SLCO2B1: variants seen among roughly 807,000 people sequenced by gnomAD.
SLCO2B1 encodes solute carrier organic anion transporter family member 2B1, also known as OATP-RP2.
A neutral mutation model predicts 67.3 loss-of-function variants in SLCO2B1; 41 were observed. That is an observed-to-expected ratio of 0.61 (90% CI 0.47 to 0.79). SLCO2B1 has a LOEUF of 0.79. Ranked by LOEUF, SLCO2B1 falls within the 30% of genes least tolerant of loss-of-function variation. The pLI is 0.00. For missense variants in SLCO2B1, 837 were observed against 920.1 expected (o/e 0.91, Z 1.17); for synonymous variants, 379 against 381.4 (o/e 0.99, Z 0.07).
In SLCO2B1 at chr11:75,196,572, G is replaced by A. The variant is rs780355944; in HGVS notation, c.1492G>A (p.Asp498Asn). The A allele has an allele frequency of 1.6e-5, 26 of 1,614,128 alleles. No individual in the cohort carries two copies. The South Asian group carries it at 2.6e-4, about 16-fold the overall frequency. Residue 498 changes from aspartate (D) to asparagine (N), a missense_variant, in exon 10 of 14, where the codon GAC (aspartate) becomes AAC (asparagine). Transcript: ENST00000289575. ...SCMEACSCPL[D>N]GFNPVCDPST... ...CATGGAGGCCTGCTCCTGCCCATTG[G>A]ACGGCTTTAACCCTGTCTGCGACCC...
chr11:75,178,961 C>T (rs1950059707), intron 7 of SLCO2B1, among the ~76,000 whole-genome samples: 1 of 152,132 alleles, frequency 6.6e-6, no homozygotes, highest in African/African-American at 2.4e-5. Context: ...TTTTTTAAAG[C>T]CAAATAGTAT....
chr11:75,160,293 T>C (rs1048220987), intron 1 of SLCO2B1, among the ~76,000 whole-genome samples: 4 of 152,190 alleles, frequency 2.6e-5, no homozygotes, highest in East Asian at 1.9e-4. Context: ...ACAAGGAGCA[T>C]TGAGTGATGT....
chr11:75,156,269 AC>A (rs1175706295), intron 1 of SLCO2B1, among the ~76,000 whole-genome samples: 7 of 152,140 alleles, frequency 4.6e-5, no homozygotes, highest in Non-Finnish European at 1.0e-4. Flanking sequence ...GTACAAGACA[AC>A]CTCTGCCCTG....
chr11:75,203,214 G>A, intron 12 of SLCO2B1, 93 bp from the exon 13 acceptor site: 1 of 1,524,068 alleles, frequency 6.6e-7, no homozygotes, highest in Non-Finnish European at 8.8e-7. Context: ...AGAGGCCCCA[G>A]TAACCCAGAG....
chr11:75,162,495 T>C (rs1490528008), intron 1 of SLCO2B1, among the ~76,000 whole-genome samples, 160 bp from the exon 2 acceptor site: 1 of 152,146 alleles, frequency 6.6e-6, no homozygotes, highest in African/African-American at 2.4e-5. Flanking sequence ...GACCTAAGAA[T>C]GAGGAAGGCT....
At position 75,193,384 on chromosome 11, in the gene SLCO2B1, C is replaced by T; in HGVS notation, c.1242C>T (p.Gly414=). Residue 414 remains glycine (G), a synonymous_variant, in exon 9 of 14, where the codon GGC becomes GGT. Transcript: ENST00000289575. The surrounding 1 kb of genome is among the most constrained non-coding windows in gnomAD (Gnocchi z 4.2). The part of the protein sequence containing the change: ...ITASYANLLI[G]CLSFPSVIVG... ...CCTCCTACGCCAACCTGCTCATCGGCTGCCTCTCCTTCCCTTCGGTCATCG... is the reference window on the plus strand; with the variant it reads ...CCTCCTACGCCAACCTGCTCATCGGTTGCCTCTCCTTCCCTTCGGTCATCG... 1.2e-6 allele frequency: 2 copies of T among 1,614,224 alleles called. No individual in the cohort carries two copies. The highest frequency in any genetic ancestry group is 1.7e-6 in the Non-Finnish European group (2 of 1,180,042).
intron 9 of SLCO2B1, among the ~76,000 whole-genome samples, chr11:75,195,755 C>T (rs1945089025): frequency 6.6e-6 from 1 of 152,262 alleles, no homozygotes; most frequent in Non-Finnish European, 1.5e-5. Flanking sequence ...GGCGCAGCCT[C>T]TCTGGGCCTC....
At chr11:75,162,606 A>G (rs1283625983) in intron 1 of SLCO2B1, 49 bp from the exon 2 acceptor site, 2 of 1,585,822 alleles carry the variant, frequency 1.3e-6, no homozygotes, top group Admixed American at 3.5e-5. Context: ...GGTCAGGGCC[A>G]TTCTCGGGGA....
intron 3 of SLCO2B1, among the ~76,000 whole-genome samples, chr11:75,164,482 T>C (rs1949863028): frequency 6.6e-6 from 1 of 152,090 alleles, no homozygotes; most frequent in African/African-American, 2.4e-5. Flanking sequence ...GAGCAGAACC[T>C]CTGGGCCTTG....
intron 7 of SLCO2B1, among the ~76,000 whole-genome samples, chr11:75,175,923 G>A (rs1950017667): frequency 6.6e-6 from 1 of 152,164 alleles, no homozygotes; most frequent in Non-Finnish European, 1.5e-5. Context: ...CATGGGATTG[G>A]GGGAGGCCAT....
rs1276166342 is a variant in SLCO2B1, at chr11:75,174,301, A to G, written c.972+1732A>G. Among the ~76,000 whole-genome samples, 4 of 152,096 alleles carry G rather than the reference A, an allele frequency of 2.6e-5. No individual in the cohort carries two copies. In the South Asian group the frequency reaches 8.3e-4, roughly 32 times the overall value. On this transcript the variant is annotated intron_variant, in intron 7 of 13. Transcript: ENST00000289575. ...AATTCTAATTTCAAAGGGACAATTT[A>G]TAAAAATCCTGTTGAATGTTTTTGC...
chr11:75,162,370 A>T (rs1949831343), intron 1 of SLCO2B1, among the ~76,000 whole-genome samples: 2 of 152,146 alleles, frequency 1.3e-5, no homozygotes, highest in African/African-American at 4.8e-5. Context: ...GCTTCTCCCT[A>T]GAAGGGAAGT....
intron 13 of SLCO2B1, 199 bp from the exon 14 acceptor site, chr11:75,204,201 C>A (rs142805001): frequency 0.017 from 8,983 of 519,190 alleles, 88 homozygotes; most frequent in Non-Finnish European, 0.022. Flanking sequence ...CAGGACAGGG[C>A]GATGAAGATG....
rs1404636950 is a variant in SLCO2B1 at position 75,178,100 on chromosome 11, A to AC, written c.972+5531_972+5532insC. On this transcript the variant is annotated intron_variant, in intron 7 of 13. Transcript: ENST00000289575. ...CAGAGCAAGATTCCATCTCAAAAAA[A>AC]AAAAAAAAACAAAAAACAAAACTCC... 2.9e-3 allele frequency among the ~76,000 whole-genome samples: 435 copies of AC among 150,798 alleles called. 4 individuals carry two copies. Among genetic ancestry groups the AC allele is most frequent in the African/African-American group, 0.011 (424 of 40,294 alleles).
chr11:75,193,345 G>T lies in SLCO2B1; in HGVS notation c.1203G>T (p.Gln401His). The change falls in exon 9 of 14, where the codon CAG (glutamine) becomes CAT (histidine). Residue 401 changes from glutamine (Q) to histidine (H), a missense_variant. Physicochemically the swap from Gln to His is conservative, Grantham distance 24 (BLOSUM62 0). Coordinates refer to ENST00000289575, the MANE Select transcript of SLCO2B1 (RefSeq NM_007256.5). The surrounding 1 kb of genome is among the most constrained non-coding windows in gnomAD (Gnocchi z 4.2). ...TCCTGCCCAAGTTCCTGGAGCGCCA[G>T]TTTTCCATCACAGCCTCCTACGCCA... Reference protein sequence around the residue: ...ATFLPKFLERQFSITASYANL... With the variant: ...ATFLPKFLERHFSITASYANL... 6.2e-7 allele frequency: 1 copy of T among 1,614,180 alleles called. No individual in the cohort carries two copies. Among genetic ancestry groups the T allele is most frequent in the Non-Finnish European group, 8.5e-7 (1 of 1,180,034 alleles).
At position 75,165,773 on chromosome 11, in the gene SLCO2B1, T is replaced by A; in HGVS notation, c.286-14T>A. On this transcript the variant is annotated splice_polypyrimidine_tract_variant and intron_variant, in intron 3 of 13. Transcript: ENST00000289575. ...AACTGTTCCACCTTAATGGGTCACC[T>A]CGTCCTTTTGCAGGTGGGGAACACA... is the stretch of plus-strand genomic sequence containing the variant. 6.2e-7 allele frequency: 1 copy of A among 1,613,804 alleles called. No individual in the cohort carries two copies. Among genetic ancestry groups the A allele is most frequent in the Non-Finnish European group, 8.5e-7 (1 of 1,179,778 alleles).
intron 4 of SLCO2B1, among the ~76,000 whole-genome samples, chr11:75,168,148 C>T (rs1836721056): frequency 6.6e-6 from 1 of 152,152 alleles, no homozygotes; most frequent in African/African-American, 2.4e-5. Context: ...CCTGCTCGGC[C>T]TCCCAAAGTG....
chr11:75,169,838 G>A, intron 6 of SLCO2B1, 74 bp downstream of exon 6: 2 of 1,285,008 alleles, frequency 1.6e-6, no homozygotes, highest in Non-Finnish European at 2.3e-6. Flanking sequence ...ATTGAGCCAG[G>A]GGACCTCGGT....
At chr11:75,196,073 G>A (rs898931240) in intron 9 of SLCO2B1, among the ~76,000 whole-genome samples, 2 of 152,256 alleles carry the variant, frequency 1.3e-5, no homozygotes, top group Non-Finnish European at 2.9e-5. Context: ...GAGGCCCAGA[G>A]AGGCAGGAAC....
Sources: gnomAD v4.1 joint callset for allele counts (sites outside exome capture counted in the v4.1 genomes callset) on GRCh38, gnomAD v4.1.1 for gene constraint, Gnocchi (gnomAD v3.1) non-coding constraint, MANE v1.5 for transcripts, NCBI Gene and HGNC (gene_info 2026-07-23, HGNC 2026-07-21) for gene names.